AGPAT4: variants seen among roughly 807,000 people sequenced by gnomAD.
The protein encoded by AGPAT4 is 1-acyl-sn-glycerol-3-phosphate acyltransferase delta.
In AGPAT4, 15 loss-of-function variants were observed where a neutral mutation model predicts 48.0. The ratio of observed to expected loss-of-function variants is 0.31; its 90% CI spans 0.21 to 0.48. The LOEUF is 0.48. Among genes scored for constraint, AGPAT4 ranks in the 20% least tolerant of loss-of-function variants. The pLI, the probability that AGPAT4 is intolerant of heterozygous loss-of-function variation, is 0.99. For missense variants in AGPAT4, 314 were observed against 482.5 expected (o/e 0.65, Z 3.27); for synonymous variants, 178 against 198.7 (o/e 0.90, Z 0.88).
rs986204201 is a variant in AGPAT4, at chr6:161,164,698, C to A, written c.348+1550G>T. On this transcript the variant is annotated intron_variant, in intron 3 of 8. Transcript: ENST00000320285. This position sits in a 1 kb window ranked among gnomAD's most constrained non-coding sequence, Gnocchi z 7.4. ...ATAATATCCTAAGGATTAGAAATTA[C>A]GGAAATAAGGTGAACAGCACACGGA... 1.3e-5 allele frequency among the ~76,000 whole-genome samples: 2 copies of A among 152,098 alleles called. No individual in the cohort carries two copies.
chr6:161,149,090 A>T lies in AGPAT4; in HGVS notation c.767+97T>A, dbSNP rs931126981. 2.1e-6 allele frequency: 3 copies of T among 1,443,462 alleles called. No homozygotes were observed. In the Admixed American group the frequency reaches 7.4e-5, roughly 36 times the overall value. The allele number at this position is 1,443,462 out of a possible 1,614,324, so 89.4% of individuals were successfully genotyped here. ...AACAGACTGCAAAGAAGTCAGTGTG[A>T]CCCAGGGATCCCTGGAAGAAAGTCT... On this transcript the variant is annotated intron_variant, in intron 6 of 8. Transcript: ENST00000320285. This position sits in a 1 kb window ranked among gnomAD's most constrained non-coding sequence, Gnocchi z 6.5.
intron 1 of AGPAT4, among the ~76,000 whole-genome samples, chr6:161,265,504 T>C (rs1356412641): frequency 3.7e-4 from 53 of 144,754 alleles, no homozygotes; most frequent in Middle Eastern, 3.9e-3. Context: ...TAGTACCCAC[T>C]GCTGGACTGG....
At chr6:161,263,204 G>A (rs961149320) in intron 1 of AGPAT4, among the ~76,000 whole-genome samples, 21 of 38,534 alleles carry the variant, frequency 5.4e-4, no homozygotes, top group Admixed American at 5.3e-4. Flanking sequence ...TTCCCCCGGT[G>A]AGGAAAGCTA....
rs539095221 is a variant in AGPAT4, at chr6:161,196,716, G to A, written c.179-30299C>T. On this transcript the variant is annotated intron_variant, in intron 2 of 8. Coordinates refer to ENST00000320285, the MANE Select transcript of AGPAT4 (RefSeq NM_020133.3). The surrounding 1 kb of genome is among the most constrained non-coding windows in gnomAD (Gnocchi z 4.3). ...CCCAGCTACTTGGGAGGCTGAGGCA[G>A]GAGAATCGCTTGAACCTGGGAGGCG... Among the ~76,000 whole-genome samples the A allele has an allele frequency of 9.2e-5, 14 of 151,912 alleles. No homozygotes were observed. The South Asian group carries it at 1.9e-3, about 20-fold the overall frequency.
rs1779845159 is a variant in AGPAT4, at chr6:161,158,988, C to T, written c.349-4678G>A. On this transcript the variant is annotated intron_variant, in intron 3 of 8. Transcript: ENST00000320285. The surrounding 1 kb of genome is among the most constrained non-coding windows in gnomAD (Gnocchi z 5.3). The stretch of plus-strand genomic sequence containing the variant: ...TAGGGTTACCAGTTAGTCAAGTGAG[C>T]CAAGGTCATTTATTTCTACTAAATA... 6.6e-6 allele frequency among the ~76,000 whole-genome samples: 1 copy of T among 152,174 alleles called. No individual in the cohort carries two copies. Among genetic ancestry groups the T allele is most frequent in the South Asian group, 2.1e-4 (1 of 4,830 alleles).
rs1364354564 is a variant in AGPAT4 at position 161,222,227 on chromosome 6, G to C, written c.178+9809C>G. On this transcript the variant is annotated intron_variant, in intron 2 of 8. Coordinates refer to ENST00000320285, the MANE Select transcript of AGPAT4 (RefSeq NM_020133.3). This position sits in a 1 kb window ranked among gnomAD's most constrained non-coding sequence, Gnocchi z 5.9. The stretch of plus-strand genomic sequence containing the variant: ...TTTCAGCACATTTGATTTCACAATG[G>C]GCTCACTTTATATTTTCCTTTTCTA... Among the ~76,000 whole-genome samples the C allele has an allele frequency of 6.6e-6, 1 of 152,090 alleles. No homozygotes were observed. The highest frequency in any genetic ancestry group is 2.4e-5 in the African/African-American group (1 of 41,402).
In AGPAT4 at chr6:161,202,160, C is replaced by G. The variant is rs1290551059; in HGVS notation, c.178+29876G>C. On this transcript the variant is annotated intron_variant, in intron 2 of 8. Coordinates refer to ENST00000320285, the MANE Select transcript of AGPAT4 (RefSeq NM_020133.3). The surrounding 1 kb of genome is among the most constrained non-coding windows in gnomAD (Gnocchi z 5.4). ...ATATGATGGCCCAAAATAACAAAAA[C>G]ACTTATTATCTCCGACAGTTTCTGA... Among the ~76,000 whole-genome samples the G allele has an allele frequency of 6.6e-6, 1 of 152,078 alleles. No homozygotes were observed. The highest frequency in any genetic ancestry group is 1.5e-5 in the Non-Finnish European group (1 of 68,014).
At position 161,139,939 on chromosome 6, in the gene AGPAT4, T is replaced by A. The variant is rs1329061608; in HGVS notation, c.844-319A>T. Among the ~76,000 whole-genome samples, 1 of 152,188 alleles carries A rather than the reference T, an allele frequency of 6.6e-6. No individual in the cohort carries two copies. Among genetic ancestry groups the A allele is most frequent in the Non-Finnish European group, 1.5e-5 (1 of 68,024 alleles). On this transcript the variant is annotated intron_variant, in intron 7 of 8. Coordinates refer to ENST00000320285, the MANE Select transcript of AGPAT4 (RefSeq NM_020133.3). The surrounding 1 kb of genome is among the most constrained non-coding windows in gnomAD (Gnocchi z 9.1). ...CACCCTCTGTGGGCAGGCACCTGCATCCCTGAGCCCAGGCCCCAGTCTGTC... is the reference window on the plus strand; with the variant it reads ...CACCCTCTGTGGGCAGGCACCTGCAACCCTGAGCCCAGGCCCCAGTCTGTC...
chr6:161,203,063 C>T (rs188382021), intron 2 of AGPAT4, among the ~76,000 whole-genome samples: 20 of 152,334 alleles, frequency 1.3e-4, no homozygotes, highest in African/African-American at 4.6e-4. Context: ...GGGCTCTGTT[C>T]AGAATCCTGA....
chr6:161,145,499 C>T (rs902213215), intron 7 of AGPAT4, among the ~76,000 whole-genome samples: 1 of 151,640 alleles, frequency 6.6e-6, no homozygotes. Flanking sequence ...ACTGAGCAAA[C>T]TTACAAGAGC....
Position 161,259,143 on chromosome 6 carries a change from T to C in AGPAT4, c.-90+14795A>G, listed in dbSNP as rs1783030549. 6.6e-6 allele frequency among the ~76,000 whole-genome samples: 1 copy of C among 152,194 alleles called. No individual in the cohort carries two copies. Among genetic ancestry groups the C allele is most frequent in the Non-Finnish European group, 1.5e-5 (1 of 68,046 alleles). ...AAATAAAAATTGTACATATTTATGGTGTACAACATAATGTTATGATATACG... is the reference window on the plus strand; with the variant it reads ...AAATAAAAATTGTACATATTTATGGCGTACAACATAATGTTATGATATACG... On this transcript the variant is annotated intron_variant, in intron 1 of 8. Coordinates refer to ENST00000320285, the MANE Select transcript of AGPAT4 (RefSeq NM_020133.3). This position sits in a 1 kb window ranked among gnomAD's most constrained non-coding sequence, Gnocchi z 4.9.
chr6:161,185,851 G>A (rs753650589), intron 2 of AGPAT4, among the ~76,000 whole-genome samples: 5 of 152,080 alleles, frequency 3.3e-5, no homozygotes, highest in Admixed American at 6.6e-5. Context: ...TATAGATCAC[G>A]GTCATGCCTG....
At chr6:161,248,346 G>A (rs991430911) in intron 1 of AGPAT4, among the ~76,000 whole-genome samples, 3 of 152,054 alleles carry the variant, frequency 2.0e-5, no homozygotes, top group South Asian at 2.1e-4. Flanking sequence ...AGGCCGAGAC[G>A]GGCGGATCAT....
rs1412497699 is a variant in AGPAT4, at chr6:161,223,126, G to T, written c.178+8910C>A. ...CATCAACTCACTGCTCTACCATGCTGGGTCTATGAGCCTTCTCCACTAGAC... is the reference window on the plus strand; with the variant it reads ...CATCAACTCACTGCTCTACCATGCTTGGTCTATGAGCCTTCTCCACTAGAC... On this transcript the variant is annotated intron_variant, in intron 2 of 8. Transcript: ENST00000320285. This position sits in a 1 kb window ranked among gnomAD's most constrained non-coding sequence, Gnocchi z 6.3. Among the ~76,000 whole-genome samples, 2 of 152,220 alleles carry T rather than the reference G, an allele frequency of 1.3e-5. No homozygotes were observed. Among genetic ancestry groups the T allele is most frequent in the East Asian group, 3.9e-4 (2 of 5,166 alleles).
At position 161,270,465 on chromosome 6, in the gene AGPAT4, A is replaced by G. The variant is rs1189568459; in HGVS notation, c.-90+3473T>C. ...TTCACCAAAGATTTAGAGGTCAAAC[A>G]CCATTCAGAAATGTGAATGTGGGCC... On this transcript the variant is annotated intron_variant, in intron 1 of 8. Coordinates refer to ENST00000320285, the MANE Select transcript of AGPAT4 (RefSeq NM_020133.3). The surrounding 1 kb of genome is among the most constrained non-coding windows in gnomAD (Gnocchi z 5.3). Among the ~76,000 whole-genome samples the G allele has an allele frequency of 6.6e-6, 1 of 152,162 alleles. No homozygotes were observed. The highest frequency in any genetic ancestry group is 1.5e-5 in the Non-Finnish European group (1 of 68,018).
At chr6:161,228,538 G>A (rs1342046990) in intron 2 of AGPAT4, among the ~76,000 whole-genome samples, 2 of 149,066 alleles carry the variant, frequency 1.3e-5, no homozygotes, top group Non-Finnish European at 3.0e-5. Context: ...CCCTTTCCAG[G>A]ACAATTAGGT....
rs918815554 is a variant in AGPAT4 at position 161,223,789 on chromosome 6, G to A, written c.178+8247C>T. 1.6e-4 allele frequency among the ~76,000 whole-genome samples: 25 copies of A among 152,136 alleles called. No homozygotes were observed. Among genetic ancestry groups the A allele is most frequent in the Non-Finnish European group, 3.7e-4 (25 of 68,028 alleles). On this transcript the variant is annotated intron_variant, in intron 2 of 8. Transcript: ENST00000320285. This position sits in a 1 kb window ranked among gnomAD's most constrained non-coding sequence, Gnocchi z 6.3. The stretch of plus-strand genomic sequence containing the variant: ...AGGGCTGGGTTGTGCCAAAGTGAAA[G>A]GCTCTCCACTCAAAGACCTCCTGGC...
Position 161,225,808 on chromosome 6 carries a change from G to A in AGPAT4, c.178+6228C>T, listed in dbSNP as rs771232484. Among the ~76,000 whole-genome samples, 10 of 152,222 alleles carry A rather than the reference G, an allele frequency of 6.6e-5. No homozygotes were observed. The highest frequency in any genetic ancestry group is 1.2e-4 in the Non-Finnish European group (8 of 68,048). Reference sequence around the variant, plus strand: ...GTCCCAACAGATAAACTCGTGGGCCGCTTGCTCAGTCCAGGAGGCAGGGCT... The same window carrying A: ...GTCCCAACAGATAAACTCGTGGGCCACTTGCTCAGTCCAGGAGGCAGGGCT... On this transcript the variant is annotated intron_variant, in intron 2 of 8. Coordinates refer to ENST00000320285, the MANE Select transcript of AGPAT4 (RefSeq NM_020133.3). The surrounding 1 kb of genome is among the most constrained non-coding windows in gnomAD (Gnocchi z 5.0).
At chr6:161,176,623 G>A (rs969078202) in intron 2 of AGPAT4, among the ~76,000 whole-genome samples, 6 of 151,952 alleles carry the variant, frequency 3.9e-5, no homozygotes, top group African/African-American at 1.4e-4. Context: ...TTTAATTGGA[G>A]CATTTAGCCC....
Sources: allele counts gnomAD v4.1 joint callset (sites outside exome capture counted in the v4.1 genomes callset), GRCh38; gene constraint gnomAD v4.1.1; non-coding constraint Gnocchi (gnomAD v3.1); transcripts MANE v1.5; gene names NCBI Gene and HGNC (gene_info 2026-07-23, HGNC 2026-07-21).